The following COL23A1 variants were observed in gnomAD, a reference collection of about 807,000 sequenced individuals.
The protein encoded by COL23A1 is collagen type XXIII alpha 1 chain.
In COL23A1, 97 loss-of-function variants were observed where a neutral mutation model predicts 99.3. The ratio of observed to expected loss-of-function variants is 0.98; its 90% CI spans 0.83 to 1.16. The LOEUF (loss-of-function observed/expected upper bound fraction) is 1.16, where lower values mean the gene tolerates loss of function less well. Among genes scored for constraint, COL23A1 ranks in the 50% most tolerant of loss-of-function variants. The pLI, the probability that COL23A1 is intolerant of heterozygous loss-of-function variation, is 0.00. For synonymous variants in COL23A1, 320 were observed against 308.2 expected (o/e 1.04, Z -0.40); for missense variants, 762 against 757.4 (o/e 1.01, Z -0.07).
At chr5:178,391,738 G>A (rs1763974088) in intron 2 of COL23A1, among the ~76,000 whole-genome samples, 1 of 152,172 alleles carries the variant, frequency 6.6e-6, no homozygotes, top group Non-Finnish European at 1.5e-5. Flanking sequence ...ATTTACCCAA[G>A]AGAAATGAAA....
At chr5:178,378,487 GTT>G (rs1168570229) in intron 2 of COL23A1, among the ~76,000 whole-genome samples, 1 of 152,236 alleles carries the variant, frequency 6.6e-6, no homozygotes. Context: ...TGGCATATGG[GTT>G]TTTGGTAAAT....
intron 25 of COL23A1, among the ~76,000 whole-genome samples, chr5:178,244,045 T>A (rs1397685120): frequency 6.6e-6 from 1 of 152,170 alleles, no homozygotes; most frequent in Non-Finnish European, 1.5e-5. Context: ...AGTGGCACGA[T>A]CTCAGCTCAT....
rs1764191430 is a variant in COL23A1 at position 178,590,057 on chromosome 5, C to G, written c.141G>C (p.Ser47=). The G allele has an allele frequency of 1.5e-6, 2 of 1,343,462 alleles. No individual in the cohort carries two copies. The highest frequency in any genetic ancestry group is 1.9e-6 in the Non-Finnish European group (2 of 1,043,482). 83.2% of individuals were successfully genotyped at this position (1,343,462 alleles called of 1,614,324 possible). ...SALCLLLSVG[S]AAACLLLGVQ... ...CACCCAGCAGCAGGCAGGCAGCCGCCGAGCCCACGGAGAGCAGCAGGCACA... is the reference window on the plus strand; with the variant it reads ...CACCCAGCAGCAGGCAGGCAGCCGCGGAGCCCACGGAGAGCAGCAGGCACA... Residue 47 remains serine (S), a synonymous_variant, in exon 1 of 29, where the codon TCG becomes TCC. Coordinates refer to ENST00000390654, the MANE Select transcript of COL23A1 (RefSeq NM_173465.4). This position sits in a 1 kb window ranked among gnomAD's most constrained non-coding sequence, Gnocchi z 5.7.
chr5:178,587,223 T>C (rs1305588967), intron 1 of COL23A1, among the ~76,000 whole-genome samples: 1 of 152,230 alleles, frequency 6.6e-6, no homozygotes, highest in Non-Finnish European at 1.5e-5. Flanking sequence ...TTTCACATCA[T>C]AGTGAAGATA....
intron 2 of COL23A1, among the ~76,000 whole-genome samples, chr5:178,487,540 T>C (rs1757703382): frequency 6.6e-6 from 1 of 152,042 alleles, no homozygotes; most frequent in Non-Finnish European, 1.5e-5. Context: ...GGTTAAACTT[T>C]AAAATGGGGT....
intron 5 of COL23A1, among the ~76,000 whole-genome samples, chr5:178,287,004 C>T (rs886721020): frequency 3.3e-5 from 5 of 151,988 alleles, no homozygotes; most frequent in Admixed American, 1.3e-4. Flanking sequence ...CCGGTCCTCC[C>T]GAGCCGGTAC....
chr5:178,239,136 G>C lies in COL23A1; in HGVS notation c.1620+5C>G. The C allele has an allele frequency of 6.2e-7, 1 of 1,613,452 alleles. No individual in the cohort carries two copies. Among genetic ancestry groups the C allele is most frequent in the Non-Finnish European group, 8.5e-7 (1 of 1,179,642 alleles). ...GCCTGCCCTGGAGACTTCCCTGCAC[G>C]GTACCTTATGCCAGCAGCCAGGCAC... On this transcript the variant is annotated splice_donor_5th_base_variant and intron_variant, in intron 28 of 28. Coordinates refer to ENST00000390654, the MANE Select transcript of COL23A1 (RefSeq NM_173465.4).
At chr5:178,487,161 C>T (rs62389451) in intron 2 of COL23A1, among the ~76,000 whole-genome samples, 15 of 151,936 alleles carry the variant, frequency 9.9e-5, no homozygotes, top group South Asian at 2.1e-4. Context: ...CTGCACAGGA[C>T]GCTCTCAGAA....
intron 2 of COL23A1, among the ~76,000 whole-genome samples, chr5:178,416,179 T>A (rs1419246625): frequency 6.6e-6 from 1 of 152,216 alleles, no homozygotes; most frequent in Non-Finnish European, 1.5e-5. Flanking sequence ...GAGATGAGCA[T>A]CCAGGTTGTT....
intron 1 of COL23A1, among the ~76,000 whole-genome samples, chr5:178,564,745 TA>T (rs1446786790): frequency 6.6e-6 from 1 of 152,212 alleles, no homozygotes; most frequent in Non-Finnish European, 1.5e-5. Context: ...ATACGTTTAT[TA>T]ACGATCTGTC....
intron 2 of COL23A1, among the ~76,000 whole-genome samples, chr5:178,521,377 C>A (rs1442833110): frequency 1.3e-5 from 2 of 152,090 alleles, no homozygotes; most frequent in African/African-American, 4.8e-5. Context: ...CACGCTGAAA[C>A]CCCGTCTCTT....
intron 2 of COL23A1, among the ~76,000 whole-genome samples, chr5:178,488,409 T>G (rs4976731): frequency 0.22 from 33,125 of 152,050 alleles, 4,017 homozygotes; most frequent in Middle Eastern, 0.28. Context: ...TCTCTAAATT[T>G]GCGTGTGACC....
At chr5:178,249,722 T>A (rs200001745) in intron 18 of COL23A1, among the ~76,000 whole-genome samples, 2,127 of 46,056 alleles carry the variant, frequency 0.046, 23 homozygotes, top group Middle Eastern at 0.068. Context: ...ACACACTCTC[T>A]CTCTCTCTCT....
rs1051780619 is a variant in COL23A1 at position 178,309,707 on chromosome 5, C to T, written c.362-2788G>A. 4.6e-5 allele frequency among the ~76,000 whole-genome samples: 7 copies of T among 151,978 alleles called. No homozygotes were observed. Among genetic ancestry groups the T allele is most frequent in the Non-Finnish European group, 8.8e-5 (6 of 67,984 alleles). ...CCCAAGCAGTCAAGCCAGAGACCCC[C>T]CCCCGGGCATCATCCTGCCCCAGCC... On this transcript the variant is annotated intron_variant, in intron 2 of 28. Coordinates refer to ENST00000390654, the MANE Select transcript of COL23A1 (RefSeq NM_173465.4). The surrounding 1 kb of genome is among the most constrained non-coding windows in gnomAD (Gnocchi z 4.7).
intron 2 of COL23A1, among the ~76,000 whole-genome samples, chr5:178,341,656 C>T (rs1171105340): frequency 6.6e-6 from 1 of 150,882 alleles, no homozygotes; most frequent in Non-Finnish European, 1.5e-5. Flanking sequence ...TCAGGTGTGG[C>T]CTGCCCACCT....
intron 2 of COL23A1, among the ~76,000 whole-genome samples, chr5:178,390,072 T>G (rs1418684521): frequency 1.3e-5 from 2 of 152,174 alleles, no homozygotes; most frequent in Non-Finnish European, 2.9e-5. Context: ...GCTGAGGCTT[T>G]GAGAAAGTTC....
At chr5:178,502,031 G>A (rs1332924394) in intron 2 of COL23A1, among the ~76,000 whole-genome samples, 2 of 152,246 alleles carry the variant, frequency 1.3e-5, no homozygotes, top group East Asian at 3.8e-4. Context: ...CAAAATACAA[G>A]CATAGAAAAG....
At chr5:178,378,742 G>A (rs1763215887) in intron 2 of COL23A1, among the ~76,000 whole-genome samples, 1 of 152,170 alleles carries the variant, frequency 6.6e-6, no homozygotes, top group Admixed American at 6.5e-5. Flanking sequence ...CTGCCTCAGG[G>A]TGAGGAAGGA....
At chr5:178,361,038 T>C (rs1474801256) in intron 2 of COL23A1, among the ~76,000 whole-genome samples, 2 of 152,222 alleles carry the variant, frequency 1.3e-5, no homozygotes, top group Non-Finnish European at 2.9e-5. Flanking sequence ...CCTTGCTACA[T>C]CCAAGCAAAG....
Sources: gnomAD v4.1 joint callset for allele counts (sites outside exome capture counted in the v4.1 genomes callset) on GRCh38, gnomAD v4.1.1 for gene constraint, Gnocchi (gnomAD v3.1) non-coding constraint, MANE v1.5 for transcripts, NCBI Gene and HGNC (gene_info 2026-07-23, HGNC 2026-07-21) for gene names.